Variants in CEP128 observed in about 807,000 individuals in gnomAD.
The protein encoded by CEP128 is centrosomal protein 128kDa.
Under a neutral mutation model 156.7 loss-of-function variants are expected in CEP128, and 132 were observed. That is an observed-to-expected ratio of 0.84 (90% confidence interval 0.73 to 0.97). The LOEUF is 0.97. CEP128 is among the 50% of genes least tolerant of loss of function. The pLI is 0.00. For missense variants in CEP128, 1,252 were observed against 1,281.9 expected (o/e 0.98, Z 0.36); for synonymous variants, 469 against 448.9 (o/e 1.04, Z -0.57).
chr14:80,580,287 C>T (rs1187200688), intron 20 of CEP128, 87 bp downstream of exon 20: 17 of 802,844 alleles, frequency 2.1e-5, no homozygotes, highest in Non-Finnish European at 2.9e-5. Flanking sequence ...TTTGCTATAC[C>T]AGTGTGAATG....
At chr14:80,844,529 C>T (rs1033405499) in intron 9 of CEP128, among the ~76,000 whole-genome samples, 1 of 151,974 alleles carries the variant, frequency 6.6e-6, no homozygotes, top group African/African-American at 2.4e-5. Context: ...TGTGTATTTT[C>T]CCGATGGAAA....
chr14:80,860,284 T>C (rs1887453144), intron 9 of CEP128, among the ~76,000 whole-genome samples: 1 of 152,204 alleles, frequency 6.6e-6, no homozygotes, highest in Non-Finnish European at 1.5e-5. Context: ...TCACTGCTTA[T>C]ATTAAAGTAA....
At chr14:80,882,960 G>T (rs1393983394) in intron 8 of CEP128, among the ~76,000 whole-genome samples, 1 of 152,128 alleles carries the variant, frequency 6.6e-6, no homozygotes, top group Non-Finnish European at 1.5e-5. Context: ...AAAAAATACA[G>T]TGAATAAGAC....
intron 19 of CEP128, among the ~76,000 whole-genome samples, chr14:80,625,197 A>T (rs1893659158): frequency 6.6e-6 from 1 of 152,176 alleles, no homozygotes; most frequent in Admixed American, 6.5e-5. Flanking sequence ...TTAACACTTT[A>T]TTAACGAGAC....
At chr14:80,743,366 A>G in intron 18 of CEP128, 99 bp from the exon 19 acceptor site, 1 of 1,034,494 alleles carries the variant, frequency 9.7e-7, no homozygotes, top group South Asian at 1.6e-5. Flanking sequence ...TTGAACAAAT[A>G]TAGATAATTA....
intron 20 of CEP128, among the ~76,000 whole-genome samples, chr14:80,570,967 T>C (rs1415398986): frequency 1.3e-5 from 2 of 152,202 alleles, no homozygotes; most frequent in Non-Finnish European, 2.9e-5. Context: ...TATTTCACTA[T>C]ATAATAAAGG....
chr14:80,648,672 T>G (rs1208024644), intron 19 of CEP128, among the ~76,000 whole-genome samples: 2 of 152,118 alleles, frequency 1.3e-5, no homozygotes, highest in African/African-American at 4.8e-5. Flanking sequence ...GTGAAGGATA[T>G]AAGAGTGGTA....
intron 19 of CEP128, among the ~76,000 whole-genome samples, chr14:80,661,438 A>G (rs1183640452): frequency 6.6e-6 from 1 of 152,188 alleles, no homozygotes; most frequent in Non-Finnish European, 1.5e-5. Context: ...CTCTTAGGTA[A>G]TGAATCTTTT....
At chr14:80,834,229 A>C (rs985431697) in intron 12 of CEP128, among the ~76,000 whole-genome samples, 1 of 152,238 alleles carries the variant, frequency 6.6e-6, no homozygotes, top group African/African-American at 2.4e-5. Context: ...AGATTCAAAT[A>C]CAAAGAATGT....
chr14:80,927,312 C>T (rs1885205142), intron 2 of CEP128, among the ~76,000 whole-genome samples: 1 of 152,180 alleles, frequency 6.6e-6, no homozygotes, highest in South Asian at 2.1e-4. Context: ...TGGCTCTACC[C>T]CAATTGTCAG....
chr14:80,691,755 A>AATT (rs1896727136), intron 19 of CEP128, among the ~76,000 whole-genome samples: 1 of 152,210 alleles, frequency 6.6e-6, no homozygotes, highest in African/African-American at 2.4e-5. Context: ...CCTAAGTTAC[A>AATT]AGAAGCTTAA....
At chr14:80,956,807 A>C (rs566067479) in intron 2 of CEP128, among the ~76,000 whole-genome samples, 1 of 152,222 alleles carries the variant, frequency 6.6e-6, no homozygotes, top group Admixed American at 6.5e-5. Context: ...ATATTTGAGC[A>C]CAGAGATATA....
At chr14:80,669,101 G>T (rs1226283528) in intron 19 of CEP128, among the ~76,000 whole-genome samples, 1 of 151,226 alleles carries the variant, frequency 6.6e-6, no homozygotes, top group Non-Finnish European at 1.5e-5. Flanking sequence ...ATATCCATAT[G>T]CAAAAGAGTG....
At chr14:80,790,849 G>A (rs327423) in intron 14 of CEP128, among the ~76,000 whole-genome samples, 64,381 of 151,794 alleles carry the variant, frequency 0.42, 14,034 homozygotes, top group African/African-American at 0.51. Context: ...CAAATATGAG[G>A]AGAGCATCAT....
intron 2 of CEP128, among the ~76,000 whole-genome samples, chr14:80,931,107 T>C (rs1357565666): frequency 6.6e-6 from 1 of 152,242 alleles, no homozygotes; most frequent in Non-Finnish European, 1.5e-5. Flanking sequence ...GTGATATATT[T>C]TTCAGGAGGA....
At chr14:80,901,758 T>C (rs977188731) in intron 6 of CEP128, among the ~76,000 whole-genome samples, 1 of 152,186 alleles carries the variant, frequency 6.6e-6, no homozygotes, top group Admixed American at 6.5e-5. Context: ...ATGCTTTTAA[T>C]TCTACCTCCT....
intron 2 of CEP128, among the ~76,000 whole-genome samples, chr14:80,925,588 G>GT (rs1340539533): frequency 1.3e-5 from 2 of 150,894 alleles, no homozygotes; most frequent in Non-Finnish European, 3.0e-5. Flanking sequence ...AGGGTTTTTT[G>GT]TTTTTTTGGT....
chr14:80,701,480 C>T (rs1041366125), intron 19 of CEP128, among the ~76,000 whole-genome samples: 1 of 152,120 alleles, frequency 6.6e-6, no homozygotes, highest in African/African-American at 2.4e-5. Flanking sequence ...CAACCAACAA[C>T]CAAATGGATG....
chr14:80,599,274 T>TC (rs1459127907), intron 19 of CEP128, among the ~76,000 whole-genome samples: 1 of 139,218 alleles, frequency 7.2e-6, no homozygotes. Context: ...TCTTTTTTTT[T>TC]TTTTTTTTTT....
Sources: allele counts gnomAD v4.1 joint callset (sites outside exome capture counted in the v4.1 genomes callset), GRCh38; gene constraint gnomAD v4.1.1; transcripts MANE v1.5; gene names NCBI Gene and HGNC (gene_info 2026-07-23, HGNC 2026-07-21).